Variants in DLG2 observed in about 807,000 individuals in gnomAD.
DLG2 encodes discs large MAGUK scaffold protein 2, also known as disks large homolog 2.
In DLG2, 45 loss-of-function variants were observed where a neutral mutation model predicts 132.5. The observed-to-expected ratio is 0.34, with a 90% CI of 0.27 to 0.44. DLG2 has a LOEUF of 0.44. Among genes scored for constraint, DLG2 ranks in the 20% least tolerant of loss-of-function variants. The probability of loss-of-function intolerance (pLI) is 1.00; values close to 1 mark genes in which losing one functional copy is unlikely to be tolerated. For synonymous variants in DLG2, 424 were observed against 419.6 expected (o/e 1.01, Z -0.13); for missense variants, 1,045 against 1,196.9 (o/e 0.87, Z 1.87).
At chr11:85,478,778 C>T (rs1236673235) in intron 3 of DLG2, among the ~76,000 whole-genome samples, 1 of 152,162 alleles carries the variant, frequency 6.6e-6, no homozygotes, top group East Asian at 1.9e-4. Context: ...CTATATATTG[C>T]TCTGAACACA....
At chr11:85,379,134 C>A (rs1299988309) in intron 3 of DLG2, among the ~76,000 whole-genome samples, 1 of 152,140 alleles carries the variant, frequency 6.6e-6, no homozygotes, top group Admixed American at 6.6e-5. Context: ...AGTAAATTAA[C>A]TTACAATGAA....
At chr11:84,990,261 C>T (rs1335871675) in intron 6 of DLG2, among the ~76,000 whole-genome samples, 1 of 152,182 alleles carries the variant, frequency 6.6e-6, no homozygotes, top group Non-Finnish European at 1.5e-5. Flanking sequence ...ATCTGCTATG[C>T]TTTGAATGTT....
chr11:84,596,569 T>A (rs1003348436), intron 6 of DLG2, among the ~76,000 whole-genome samples: 1 of 151,836 alleles, frequency 6.6e-6, no homozygotes, highest in African/African-American at 2.4e-5. Context: ...CAGTGGCAAA[T>A]ACCAGCTCAA....
chr11:84,881,229 G>A (rs1019175414), intron 6 of DLG2, among the ~76,000 whole-genome samples: 9 of 152,072 alleles, frequency 5.9e-5, no homozygotes, highest in African/African-American at 1.9e-4. Context: ...CCTGATAACA[G>A]GTTATAAGAT....
chr11:83,679,540 T>C (rs1322626461), intron 18 of DLG2, among the ~76,000 whole-genome samples: 1 of 152,156 alleles, frequency 6.6e-6, no homozygotes, highest in Non-Finnish European at 1.5e-5. Flanking sequence ...TTTTACTAAG[T>C]TTCCAAAATA....
chr11:84,174,534 C>T (rs2095903467), intron 8 of DLG2, among the ~76,000 whole-genome samples: 1 of 152,108 alleles, frequency 6.6e-6, no homozygotes, highest in African/African-American at 2.4e-5. Context: ...CATACGCTGC[C>T]TTAAATGCCT....
chr11:84,885,590 T>C (rs1165014768), intron 6 of DLG2, among the ~76,000 whole-genome samples: 5 of 152,108 alleles, frequency 3.3e-5, no homozygotes, highest in Admixed American at 6.6e-5. Context: ...ACTGGCTCTG[T>C]GAGGTCAGGC....
chr11:85,352,417 G>A (rs2083365937), intron 3 of DLG2, among the ~76,000 whole-genome samples: 1 of 152,032 alleles, frequency 6.6e-6, no homozygotes. Flanking sequence ...CTTCAGTTCT[G>A]CTCTGATATT....
At chr11:83,971,951 AATGAAT>A (rs1337149224) in intron 12 of DLG2, among the ~76,000 whole-genome samples, 6 of 152,128 alleles carry the variant, frequency 3.9e-5, no homozygotes, top group African/African-American at 9.7e-5. Context: ...TCTTTTCAGA[AATGAAT>A]ATGTATGTCA....
intron 15 of DLG2, among the ~76,000 whole-genome samples, chr11:83,915,921 C>T (rs765036568): frequency 1.3e-5 from 2 of 152,114 alleles, no homozygotes; most frequent in South Asian, 2.1e-4. Flanking sequence ...CCCAGGAAAT[C>T]ACTAATCTAT....
intron 6 of DLG2, among the ~76,000 whole-genome samples, chr11:84,610,178 A>G (rs1406026743): frequency 6.6e-6 from 1 of 152,082 alleles, no homozygotes; most frequent in East Asian, 1.9e-4. Flanking sequence ...GCTTTTCATG[A>G]TGCCACCTCT....
chr11:84,450,408 T>C (rs1189199580), intron 7 of DLG2, among the ~76,000 whole-genome samples: 1 of 112,870 alleles, frequency 8.9e-6, no homozygotes, highest in Non-Finnish European at 1.6e-5. Flanking sequence ...CAAGAAGTAC[T>C]TTTTTTTTTT....
intron 6 of DLG2, among the ~76,000 whole-genome samples, chr11:85,020,454 CTTTAG>C (rs927005970): frequency 6.6e-6 from 1 of 152,074 alleles, no homozygotes; most frequent in African/African-American, 2.4e-5. Context: ...CTCTACAGCT[CTTTAG>C]TTTAGTTAGA....
At chr11:85,494,436 CA>C (rs1348499719) in intron 3 of DLG2, among the ~76,000 whole-genome samples, 1 of 152,016 alleles carries the variant, frequency 6.6e-6, no homozygotes, top group African/African-American at 2.4e-5. Context: ...CTGGGAAAAA[CA>C]AAACCACTAT....
chr11:83,842,522 T>A (rs181029111), intron 16 of DLG2, among the ~76,000 whole-genome samples: 23 of 28,344 alleles, frequency 8.1e-4, no homozygotes, highest in African/African-American at 2.8e-3. Context: ...TGAACCTGTC[T>A]CAAAAAAAAA....
At chr11:85,262,040 A>T (rs969360356) in intron 4 of DLG2, among the ~76,000 whole-genome samples, 6 of 152,184 alleles carry the variant, frequency 3.9e-5, no homozygotes, top group Non-Finnish European at 8.8e-5. Context: ...GGCGAGGCAC[A>T]TTTGACAGGT....
rs192159528 is a variant in DLG2, at chr11:85,170,901, C to T, written c.187-16250G>A. On this transcript the variant is annotated intron_variant, in intron 4 of 27. Coordinates refer to ENST00000376104, the MANE Select transcript of DLG2 (RefSeq NM_001142699.3). ...TGGTCCCACCAGCCCAACTCCCCTT[C>T]TCTAATTAGGACTCCACAAATAAGG... Among the ~76,000 whole-genome samples the T allele has an allele frequency of 6.3e-4, 96 of 151,380 alleles. 1 individual carries two copies. The highest frequency in any genetic ancestry group is 1.3e-3 in the South Asian group (6 of 4,794).
chr11:83,851,682 G>A (rs1484695589), intron 16 of DLG2, among the ~76,000 whole-genome samples: 3 of 151,766 alleles, frequency 2.0e-5, no homozygotes, highest in South Asian at 4.2e-4. Flanking sequence ...AGCACTTTGG[G>A]AGGTCAAGGT....
At chr11:85,503,549 G>A (rs1267751430) in intron 3 of DLG2, among the ~76,000 whole-genome samples, 1 of 152,018 alleles carries the variant, frequency 6.6e-6, no homozygotes, top group Non-Finnish European at 1.5e-5. Flanking sequence ...AAAGGTGATT[G>A]GATAATGAAG....
Sources: gnomAD v4.1 joint callset for allele counts (sites outside exome capture counted in the v4.1 genomes callset) on GRCh38, gnomAD v4.1.1 for gene constraint, MANE v1.5 for transcripts, NCBI Gene and HGNC (gene_info 2026-07-23, HGNC 2026-07-21) for gene names.